The following HSD17B4 variants were observed in gnomAD, a reference collection of about 807,000 sequenced individuals.
HSD17B4 encodes the protein peroxisomal multifunctional enzyme type 2.
A neutral mutation model predicts 101.0 loss-of-function variants in HSD17B4; 70 were observed. The observed-to-expected ratio is 0.69, with a 90% CI of 0.57 to 0.85. The LOEUF is 0.85. HSD17B4 is among the 40% of genes least tolerant of loss of function. HSD17B4 has a pLI of 0.00. For missense variants in HSD17B4, 984 were observed against 892.4 expected, an observed-to-expected ratio of 1.10 and a Z score of -1.31; for synonymous variants, 347 against 297.1, an observed-to-expected ratio of 1.17 and a Z score of -1.73.
chr5:119,539,350 A>T (rs1319296221), intron 23 of HSD17B4, among the ~76,000 whole-genome samples: 1 of 137,060 alleles, frequency 7.3e-6, no homozygotes, highest in Non-Finnish European at 1.5e-5. Flanking sequence ...AAAACCAAAC[A>T]CCGCATGTTC....
At chr5:119,476,448 A>G in intron 6 of HSD17B4, 1 of 465,660 alleles carries the variant, frequency 2.1e-6, no homozygotes, top group Non-Finnish European at 2.8e-6. Flanking sequence ...ATTGGCCATC[A>G]GAACTAAAAT....
intron 2 of HSD17B4, among the ~76,000 whole-genome samples, chr5:119,465,572 T>G (rs1323370151): frequency 6.6e-6 from 1 of 152,212 alleles, no homozygotes; most frequent in Non-Finnish European, 1.5e-5. Context: ...TAAACCTCTT[T>G]TCTTTGTAAA....
Position 119,537,186 on chromosome 5 carries a change from A to T in HSD17B4, c.2121+636A>T, listed in dbSNP as rs371982868. On this transcript the variant is annotated intron_variant, in intron 23 of 23. Coordinates refer to ENST00000510025, the MANE Select transcript of HSD17B4 (RefSeq NM_000414.4). ...ACAAATGGCTGAGTGCAGTTATTTA[A>T]AAATAGCTTTCACATAGGAGTAATT... Among the ~76,000 whole-genome samples, 15 of 152,282 alleles carry T rather than the reference A, an allele frequency of 9.9e-5. No individual in the cohort carries two copies. The East Asian group carries it at 1.7e-3, about 18-fold the overall frequency.
intron 14 of HSD17B4, among the ~76,000 whole-genome samples, chr5:119,502,724 T>C (rs1360959609): frequency 2.0e-5 from 3 of 152,214 alleles, no homozygotes; most frequent in Non-Finnish European, 4.4e-5. Context: ...CATTTCATGT[T>C]ATACAATGTA....
At position 119,493,815 on chromosome 5, in the gene HSD17B4, C is replaced by T; in HGVS notation, c.740-3C>T. On this transcript the variant is annotated splice_polypyrimidine_tract_variant and splice_region_variant and intron_variant, in intron 10 of 23. Coordinates refer to ENST00000510025, the MANE Select transcript of HSD17B4 (RefSeq NM_000414.4). ...AGTATGTTAGTTTTGTTTCTATAACCAGTACGCTGGGAGCGGACTCTTGGA... is the reference window on the plus strand; with the variant it reads ...AGTATGTTAGTTTTGTTTCTATAACTAGTACGCTGGGAGCGGACTCTTGGA... 2 of 1,611,986 alleles carry T rather than the reference C, an allele frequency of 1.2e-6. No individual in the cohort carries two copies. The highest frequency in any genetic ancestry group is 1.1e-5 in the South Asian group (1 of 91,012).
In HSD17B4 at chr5:119,452,560, G is replaced by C. The variant is rs201823783; in HGVS notation, c.-16G>C. 1.2e-6 allele frequency: 2 copies of C among 1,613,964 alleles called. No individual in the cohort carries two copies. The highest frequency in any genetic ancestry group is 1.3e-5 in the African/African-American group (1 of 75,046). ...GGCTCTGCTTGTTCGTGTGTGTGTC[G>C]TTGCAGGCCTTATTCATGGGCTCAC... On this transcript the variant is annotated 5_prime_UTR_variant, in exon 1 of 24. Transcript: ENST00000510025.
At chr5:119,501,966 C>A (rs34840516) in intron 13 of HSD17B4, 75 bp from the exon 14 acceptor site, 2 of 855,234 alleles carry the variant, frequency 2.3e-6, no homozygotes, top group East Asian at 2.4e-5. Context: ...ATGTCACTTG[C>A]GAGTAACAGT....
In HSD17B4 at chr5:119,527,120, T is replaced by C; in HGVS notation, c.1681-13T>C. Reference sequence around the variant, plus strand: ...TTTTAAAACATTTTTAACCCCACAATTCTTTTTTAAAGGCTCGTTTTGCAA... The same window carrying C: ...TTTTAAAACATTTTTAACCCCACAACTCTTTTTTAAAGGCTCGTTTTGCAA... On this transcript the variant is annotated splice_polypyrimidine_tract_variant and intron_variant, in intron 19 of 23. Transcript: ENST00000510025. The C allele has an allele frequency of 6.6e-7, 1 of 1,522,406 alleles. No homozygotes were observed. The highest frequency in any genetic ancestry group is 9.1e-7 in the Non-Finnish European group (1 of 1,096,970). 94.3% of individuals were successfully genotyped at this position (1,522,406 alleles called of 1,614,324 possible).
chr5:119,526,451 T>C (rs1420626606), intron 19 of HSD17B4, among the ~76,000 whole-genome samples: 1 of 151,928 alleles, frequency 6.6e-6, no homozygotes, highest in Admixed American at 6.6e-5. Flanking sequence ...TCTGTACTTT[T>C]TAGTTGATTT....
intron 23 of HSD17B4, among the ~76,000 whole-genome samples, chr5:119,541,459 A>G (rs1273926888): frequency 6.6e-6 from 1 of 152,190 alleles, no homozygotes; most frequent in Non-Finnish European, 1.5e-5. Flanking sequence ...GATCTATTCA[A>G]CATTGTGTTA....
At chr5:119,505,324 A>G (rs1751545930) in intron 14 of HSD17B4, among the ~76,000 whole-genome samples, 1 of 151,974 alleles carries the variant, frequency 6.6e-6, no homozygotes, top group African/African-American at 2.4e-5. Context: ...GAATCTGCAG[A>G]TTGCTTTGAG....
intron 20 of HSD17B4, among the ~76,000 whole-genome samples, chr5:119,529,433 G>C (rs1479600668): frequency 6.6e-6 from 1 of 152,122 alleles, no homozygotes; most frequent in Non-Finnish European, 1.5e-5. Flanking sequence ...TATATTAGCA[G>C]AACAAATGTA....
chr5:119,467,564 C>G (rs1346519977), intron 2 of HSD17B4, among the ~76,000 whole-genome samples: 1 of 152,150 alleles, frequency 6.6e-6, no homozygotes, highest in Non-Finnish European at 1.5e-5. Context: ...TCTCTTTGCA[C>G]TGTTTTTGAC....
At chr5:119,540,763 T>C (rs1003246165) in intron 23 of HSD17B4, among the ~76,000 whole-genome samples, 2 of 152,204 alleles carry the variant, frequency 1.3e-5, no homozygotes, top group Non-Finnish European at 2.9e-5. Flanking sequence ...TGCTGCTCGT[T>C]AACAAGTATT....
intron 14 of HSD17B4, among the ~76,000 whole-genome samples, chr5:119,504,423 C>G (rs1751466107): frequency 6.6e-6 from 1 of 152,128 alleles, no homozygotes; most frequent in South Asian, 2.1e-4. Context: ...TCTGTTTTAT[C>G]TGCAGCCTCA....
intron 1 of HSD17B4, among the ~76,000 whole-genome samples, chr5:119,455,713 A>T (rs1754564598): frequency 6.6e-6 from 1 of 152,106 alleles, no homozygotes; most frequent in Non-Finnish European, 1.5e-5. Context: ...TTAAGCAGCA[A>T]AGGATTCAAT....
At chr5:119,515,843 A>G (rs1473074110) in intron 17 of HSD17B4, among the ~76,000 whole-genome samples, 3 of 152,158 alleles carry the variant, frequency 2.0e-5, no homozygotes, top group Non-Finnish European at 2.9e-5. Flanking sequence ...GAAGAGAACA[A>G]CACAGTGGGG....
chr5:119,477,793 TC>T, intron 7 of HSD17B4: 1 of 371,290 alleles, frequency 2.7e-6, no homozygotes, highest in Non-Finnish European at 5.1e-6. Context: ...TTCATTCTTG[TC>T]CAGGCTGGAG....
downstream of HSD17B4, chr5:119,542,332 TG>T (rs546250336): frequency 1.3e-4 from 25 of 192,396 alleles, no homozygotes; most frequent in Admixed American, 1.0e-3. Context: ...TTGATACCTT[TG>T]TTTTTTTGTG....
Sources: allele counts gnomAD v4.1 joint callset (sites outside exome capture counted in the v4.1 genomes callset), GRCh38; gene constraint gnomAD v4.1.1; transcripts MANE v1.5; gene names NCBI Gene and HGNC (gene_info 2026-07-23, HGNC 2026-07-21).